Variants in SUMF1 observed in about 807,000 individuals in gnomAD.
SUMF1 encodes the protein formylglycine-generating enzyme.
A neutral mutation model predicts 47.6 loss-of-function variants in SUMF1; 48 were observed. The observed-to-expected ratio is 1.01, with a 90% confidence interval of 0.80 to 1.28. The LOEUF (loss-of-function observed/expected upper bound fraction) is 1.28, where lower values mean the gene tolerates loss of function less well. SUMF1 is among the 50% of genes most tolerant of loss of function. The pLI is 0.00. For missense variants in SUMF1, 571 were observed against 485.4 expected, an observed-to-expected ratio of 1.18 and a Z score of -1.66; for synonymous variants, 230 against 192.1, an observed-to-expected ratio of 1.20 and a Z score of -1.63.
chr3:4,305,172 G>A (rs955796308), intron 8 of SUMF1, among the ~76,000 whole-genome samples: 1 of 151,954 alleles, frequency 6.6e-6, no homozygotes, highest in African/African-American at 2.4e-5. Flanking sequence ...TGCAACCTCC[G>A]CCTCCCAGGT....
chr3:4,321,666 G>A (rs1559224836), intron 8 of SUMF1, among the ~76,000 whole-genome samples: 1 of 151,900 alleles, frequency 6.6e-6, no homozygotes, highest in Non-Finnish European at 1.5e-5. Context: ...ATAAATGATT[G>A]AATCAATAAA....
At chr3:4,229,033 T>C (rs562962787) in intron 8 of SUMF1, among the ~76,000 whole-genome samples, 1 of 152,270 alleles carries the variant, frequency 6.6e-6, no homozygotes, top group South Asian at 2.1e-4. Context: ...ACCTTCATTA[T>C]CAAGAAACTG....
chr3:4,165,802 T>C (rs886393657), intron 8 of SUMF1, among the ~76,000 whole-genome samples: 1 of 132,120 alleles, frequency 7.6e-6, no homozygotes, highest in African/African-American at 2.8e-5. Context: ...GGTGAACCTG[T>C]TGATGCCTGA....
At chr3:4,263,281 T>C (rs2125025825) in intron 8 of SUMF1, among the ~76,000 whole-genome samples, 1 of 152,302 alleles carries the variant, frequency 6.6e-6, no homozygotes, top group Admixed American at 6.5e-5. Context: ...AATGGCATCA[T>C]GAACTGCCTT....
At chr3:4,312,616 C>T (rs1437155649) in intron 8 of SUMF1, among the ~76,000 whole-genome samples, 1 of 150,376 alleles carries the variant, frequency 6.6e-6, no homozygotes, top group Admixed American at 6.6e-5. Context: ...GAAGCTGAGG[C>T]AGGAGAATCG....
rs1225993664 is a variant in SUMF1 at position 4,467,233 on chromosome 3, C to T, written c.13G>A (p.Ala5Thr). 1.2e-6 allele frequency: 2 copies of T among 1,609,234 alleles called. No individual in the cohort carries two copies. Among genetic ancestry groups the T allele is most frequent in the Middle Eastern group, 1.7e-4 (1 of 5,722 alleles). The change falls in exon 1 of 9, where the codon GCA (alanine) becomes ACA (threonine). Residue 5 changes from alanine (A) to threonine (T), a missense_variant. By Grantham distance (58) the Ala-to-Thr change is moderately conservative. Transcript: ENST00000272902. The part of the protein sequence containing the change: MAAP[A>T]LGLVCGRCPE... ...CAACGTCCACACACCAGCCCTAGTG[C>T]GGGCGCAGCCATGTTGTCCCGCGGG...
chr3:4,252,093 T>C (rs1402871249), intron 8 of SUMF1, among the ~76,000 whole-genome samples: 4 of 152,172 alleles, frequency 2.6e-5, no homozygotes, highest in African/African-American at 9.7e-5. Context: ...AATTTCCTCA[T>C]GGTCCTCACC....
intron 8 of SUMF1, among the ~76,000 whole-genome samples, chr3:4,257,456 A>G (rs1485864809): frequency 6.6e-6 from 1 of 150,376 alleles, no homozygotes; most frequent in Non-Finnish European, 1.5e-5. Flanking sequence ...AAGCATTCTT[A>G]TACACCAACA....
intron 8 of SUMF1, among the ~76,000 whole-genome samples, chr3:4,239,342 T>G (rs1575008002): frequency 6.6e-6 from 1 of 152,282 alleles, no homozygotes; most frequent in East Asian, 1.9e-4. Context: ...GGGATAGCAT[T>G]GAATCTATAG....
intron 8 of SUMF1, among the ~76,000 whole-genome samples, chr3:4,368,393 T>C (rs189441457): frequency 5.9e-5 from 9 of 152,358 alleles, no homozygotes; most frequent in African/African-American, 1.9e-4. Flanking sequence ...TTGGTGGGAC[T>C]GTAAACTAGT....
chr3:4,136,926 T>G (rs372249609), intron 8 of SUMF1, among the ~76,000 whole-genome samples: 2 of 151,994 alleles, frequency 1.3e-5, no homozygotes, highest in Non-Finnish European at 2.9e-5. Context: ...AATGAGATAC[T>G]ATCTCACACC....
chr3:4,125,381 A>G (rs926210485), intron 8 of SUMF1, among the ~76,000 whole-genome samples: 2 of 138,974 alleles, frequency 1.4e-5, no homozygotes, highest in East Asian at 4.8e-4. Flanking sequence ...AAAAAGCACT[A>G]TGCTTTATTA....
At chr3:4,371,134 T>C (rs1251540993) in intron 8 of SUMF1, among the ~76,000 whole-genome samples, 1 of 152,230 alleles carries the variant, frequency 6.6e-6, no homozygotes. Context: ...AAGAGGTAAA[T>C]GGCCTCATTA....
At chr3:4,214,308 T>C (rs1695867501) in intron 8 of SUMF1, among the ~76,000 whole-genome samples, 1 of 152,160 alleles carries the variant, frequency 6.6e-6, no homozygotes, top group Non-Finnish European at 1.5e-5. Context: ...CCCAAATGAC[T>C]ACTCAGTAAA....
At position 4,119,147 on chromosome 3, in the gene SUMF1, T is replaced by C. The variant is rs1019963581; in HGVS notation, c.1015-50402A>G. Among the ~76,000 whole-genome samples, 6 of 152,214 alleles carry C rather than the reference T, an allele frequency of 3.9e-5. No individual in the cohort carries two copies. In the East Asian group the frequency reaches 1.2e-3, roughly 29 times the overall value. On this transcript the variant is annotated intron_variant and NMD_transcript_variant, in intron 8 of 12. Transcript: ENST00000448413. Reference sequence around the variant, plus strand: ...AACCATAAGGTCACTCTCAACTCCTTCCTCAACCTTCAGATTAGAAAGAGC... The same window carrying C: ...AACCATAAGGTCACTCTCAACTCCTCCCTCAACCTTCAGATTAGAAAGAGC...
At chr3:4,316,315 C>A in intron 8 of SUMF1, 1 of 1,172,566 alleles carries the variant, frequency 8.5e-7, no homozygotes, top group Non-Finnish European at 1.2e-6. Context: ...ATCAACAATG[C>A]ATTTGGCCCA....
chr3:4,078,091 C>G (rs76231117), intron 8 of SUMF1, among the ~76,000 whole-genome samples: 3 of 152,044 alleles, frequency 2.0e-5, no homozygotes, highest in African/African-American at 7.3e-5. Context: ...CTCTCCTATG[C>G]TAATAGCAGA....
At chr3:4,239,947 T>A (rs975930672) in intron 8 of SUMF1, among the ~76,000 whole-genome samples, 1 of 152,164 alleles carries the variant, frequency 6.6e-6, no homozygotes, top group Non-Finnish European at 1.5e-5. Context: ...ATTCCATCCA[T>A]ACCTAGTTTA....
At chr3:4,456,452 T>TTC (rs2079601129) in intron 1 of SUMF1, among the ~76,000 whole-genome samples, 4 of 127,656 alleles carry the variant, frequency 3.1e-5, no homozygotes. Context: ...ATGTTTTTCT[T>TTC]TGTTTTTTTT....
Sources: gnomAD v4.1 joint callset for allele counts (sites outside exome capture counted in the v4.1 genomes callset) on GRCh38, gnomAD v4.1.1 for gene constraint, MANE v1.5 for transcripts, NCBI Gene and HGNC (gene_info 2026-07-23, HGNC 2026-07-21) for gene names.